CUX1: variants seen among roughly 807,000 people sequenced by gnomAD.
CUX1 encodes the protein cut like homeobox 1, also known as protein CASP.
CUX1 carries 31 observed loss-of-function variants against 158.8 expected under a neutral mutation model. That is an observed-to-expected ratio of 0.20 (90% confidence interval 0.15 to 0.26). CUX1 has a LOEUF of 0.26. CUX1 is among the 10% of genes least tolerant of loss of function. The pLI, the probability that CUX1 is intolerant of heterozygous loss-of-function variation, is 1.00. For missense variants in CUX1, 1,589 were observed against 2,014.6 expected (o/e 0.79, Z 4.04); for synonymous variants, 879 against 862.1 (o/e 1.02, Z -0.34).
chr7:101,972,459 G>C (rs1002065606), intron 2 of CUX1, among the ~76,000 whole-genome samples: 3 of 152,208 alleles, frequency 2.0e-5, no homozygotes, highest in Admixed American at 1.3e-4. Context: ...ACCTGGCTAG[G>C]TTGCGGGGAT....
In CUX1 at chr7:102,196,991, C is replaced by T. The variant is rs556721676; in HGVS notation, c.1580C>T (p.Pro527Leu). The change falls in exon 15 of 24, where the codon CCA becomes CTA. Residue 527 changes from proline to leucine, a missense_variant. Around this residue, in one of 8 missense-constraint regions of CUX1, gnomAD observed 515 missense variants for 574.4 expected, o/e 0.90. Transcript: ENST00000292535. The stretch of plus-strand genomic sequence containing the variant: ...TCCCAAAGTCCATTACAACAAAGCC[C>T]AGATGTCAATGGCATGGCCCCATCC... ...ISSQSPLQQS[P>L]DVNGMAPSPS... The T allele has an allele frequency of 1.8e-5, 29 of 1,614,096 alleles. No homozygotes were observed. The highest frequency in any genetic ancestry group is 2.3e-5 in the Non-Finnish European group (27 of 1,180,058).
At position 102,104,714 on chromosome 7, in the gene CUX1, AC is replaced by A. The variant is rs564747082; in HGVS notation, c.530+259del. Among the ~76,000 whole-genome samples, 16 of 151,794 alleles carry A rather than the reference AC, an allele frequency of 1.1e-4. No homozygotes were observed. The South Asian group carries it at 3.3e-3, about 32-fold the overall frequency. On this transcript the variant is annotated intron_variant, in intron 6 of 23. Transcript: ENST00000292535. ...AGACCAGCATGACCAACATGGTGAA[AC>A]CCCGTCTCTACTAAAAAATACAAAA...
At chr7:101,890,238 G>A (rs1800730745) in intron 1 of CUX1, among the ~76,000 whole-genome samples, 1 of 152,226 alleles carries the variant, frequency 6.6e-6, no homozygotes. Flanking sequence ...TCAAAGAATA[G>A]GGGGGCTGTG....
intron 2 of CUX1, among the ~76,000 whole-genome samples, chr7:101,966,303 C>CT (rs112153295): frequency 0.043 from 5,697 of 133,642 alleles, 162 homozygotes; most frequent in African/African-American, 0.083. Context: ...TTTTGACTGT[C>CT]TTTTTTTTTT....
intron 3 of CUX1, among the ~76,000 whole-genome samples, chr7:102,034,617 G>A (rs144221583): frequency 0.012 from 1,851 of 152,190 alleles, 13 homozygotes; most frequent in Non-Finnish European, 0.018. Context: ...GCTGGACGTG[G>A]TGGCATATGC....
At position 102,256,455 on chromosome 7, in the gene CUX1, C is replaced by T; in HGVS notation, c.*7413C>T. The stretch of plus-strand genomic sequence containing the variant: ...TCTAGTGGTTACTATCCTCTGCCTT[C>T]CTCTCCTCCCCTACTCCCCCAGAGA... On this transcript the variant is annotated 3_prime_UTR_variant, in exon 24 of 24. Coordinates refer to ENST00000292535, the MANE Select transcript of CUX1 (RefSeq NM_181552.4). The T allele has an allele frequency of 1.0e-6, 1 of 985,352 alleles. No individual in the cohort carries two copies. The highest frequency in any genetic ancestry group is 1.2e-6 in the Non-Finnish European group (1 of 829,926). The allele number at this position is 985,352 out of a possible 1,614,324, so 61.0% of individuals were successfully genotyped here.
Position 102,073,165 on chromosome 7 carries a change from C to CTTTTTTTTTTTTTTTTTTTTTTTT in CUX1, c.268+2749_268+2772dup, listed in dbSNP as rs869202667. ...AAATAATATGTAATCTCTTTTCTTT[C>CTTTTTTTTTTTTTTTTTTTTTTTT]TTTTTTTTTTTTTTTTTTTTTTTTC... On this transcript the variant is annotated intron_variant, in intron 4 of 23. Coordinates refer to ENST00000292535, the MANE Select transcript of CUX1 (RefSeq NM_181552.4). Among the ~76,000 whole-genome samples, 97 of 66,884 alleles carry CTTTTTTTTTTTTTTTTTTTTTTTT rather than the reference C, an allele frequency of 1.5e-3. 24 individuals are homozygous for CTTTTTTTTTTTTTTTTTTTTTTTT. The highest frequency in any genetic ancestry group is 5.7e-3 in the African/African-American group (89 of 15,592). 43.9% of individuals were successfully genotyped at this position (66,884 alleles called of 152,430 possible).
chr7:102,146,085 C>T (rs1834992677), intron 8 of CUX1, among the ~76,000 whole-genome samples: 1 of 152,214 alleles, frequency 6.6e-6, no homozygotes, highest in South Asian at 2.1e-4. Context: ...AAGGAACCTG[C>T]ACACCCAGCC....
At chr7:102,031,022 G>A (rs1820731619) in intron 3 of CUX1, among the ~76,000 whole-genome samples, 1 of 151,866 alleles carries the variant, frequency 6.6e-6, no homozygotes, top group Admixed American at 6.6e-5. Flanking sequence ...CTCTTTTAAT[G>A]TAGGACATCC....
At chr7:102,177,413 C>CAAAA (rs1219318950) in intron 10 of CUX1, among the ~76,000 whole-genome samples, 1 of 106,120 alleles carries the variant, frequency 9.4e-6, no homozygotes, top group Non-Finnish European at 2.1e-5. Flanking sequence ...AACTCTATCT[C>CAAAA]AAAAAAAAAA....
intron 1 of CUX1, among the ~76,000 whole-genome samples, chr7:101,870,144 G>GTTTTTTT (rs112866816): frequency 2.7e-5 from 3 of 111,222 alleles, no homozygotes; most frequent in Non-Finnish European, 5.5e-5. Context: ...GATGTTTAGT[G>GTTTTTTT]TTTTTTTTGT....
At chr7:102,102,478 G>GTGT (rs1236508767) in intron 5 of CUX1, among the ~76,000 whole-genome samples, 1 of 151,418 alleles carries the variant, frequency 6.6e-6, no homozygotes, top group African/African-American at 2.4e-5. Flanking sequence ...AGCCGCGTGG[G>GTGT]TGTTAATCGC....
intron 2 of CUX1, among the ~76,000 whole-genome samples, chr7:101,973,771 T>TTTTTC (rs1301031517): frequency 7.7e-6 from 1 of 129,340 alleles, no homozygotes; most frequent in Non-Finnish European, 1.7e-5. Flanking sequence ...TTTCTTTTTC[T>TTTTTC]TTTTTTTTTT....
intron 3 of CUX1, among the ~76,000 whole-genome samples, chr7:102,052,263 CATTT>C (rs1399762734): frequency 6.6e-6 from 1 of 152,156 alleles, no homozygotes; most frequent in African/African-American, 2.4e-5. Context: ...GGTCACTCCT[CATTT>C]ATCCCAACCC....
At chr7:102,113,764 C>G (rs1831177800) in intron 7 of CUX1, among the ~76,000 whole-genome samples, 1 of 152,006 alleles carries the variant, frequency 6.6e-6, no homozygotes, top group African/African-American at 2.4e-5. Flanking sequence ...TGGAGTCTCA[C>G]TGTGTTGCCC....
intron 2 of CUX1, among the ~76,000 whole-genome samples, chr7:101,918,570 A>G (rs1472540862): frequency 6.6e-6 from 1 of 152,198 alleles, no homozygotes; most frequent in Non-Finnish European, 1.5e-5. Context: ...CTTTGGCTGT[A>G]GTAACGAGGG....
intron 8 of CUX1, among the ~76,000 whole-genome samples, chr7:102,116,260 C>A (rs1024428623): frequency 2.6e-5 from 4 of 152,084 alleles, no homozygotes; most frequent in Admixed American, 6.6e-5. Context: ...GTGTGGGGTT[C>A]TTGGCCCTTT....
At chr7:101,825,753 C>CTGTGTGTGTGTGTGTGTGTG (rs537662700) in intron 1 of CUX1, among the ~76,000 whole-genome samples, 4 of 129,452 alleles carry the variant, frequency 3.1e-5, no homozygotes, top group Non-Finnish European at 6.5e-5. Context: ...TTAATGAAAT[C>CTGTGTGTGTGTGTGTGTGTG]TGTGTGTGTG....
chr7:102,135,798 A>C (rs1210178726), intron 8 of CUX1, among the ~76,000 whole-genome samples: 6 of 151,954 alleles, frequency 3.9e-5, no homozygotes, highest in Admixed American at 1.3e-4. Flanking sequence ...AAGATGGTGT[A>C]AACCCATCTC....
Sources: gnomAD v4.1 joint callset for allele counts (sites outside exome capture counted in the v4.1 genomes callset) on GRCh38, gnomAD v4.1.1 for gene constraint, gnomAD v4.1.1 regional missense constraint, MANE v1.5 for transcripts, NCBI Gene and HGNC (gene_info 2026-07-23, HGNC 2026-07-21) for gene names.